The following BMPER variants were observed in gnomAD, a reference collection of about 807,000 sequenced individuals.
BMPER encodes the protein BMP-binding endothelial regulator protein.
Under a neutral mutation model 87.3 loss-of-function variants are expected in BMPER, and 45 were observed. The observed-to-expected ratio is 0.52, with a 90% CI of 0.41 to 0.66. The LOEUF (loss-of-function observed/expected upper bound fraction) is 0.66, where lower values mean the gene tolerates loss of function less well. Among genes scored for constraint, BMPER ranks in the 30% least tolerant of loss-of-function variants. BMPER has a pLI of 0.00. For synonymous variants in BMPER, 326 were observed against 316.2 expected, an observed-to-expected ratio of 1.03 and a Z score of -0.33; for missense variants, 784 against 867.5, an observed-to-expected ratio of 0.90 and a Z score of 1.21.
At chr7:34,143,458 G>A in intron 14 of BMPER, 98 bp downstream of exon 14, 3 of 1,544,486 alleles carry the variant, frequency 1.9e-6, no homozygotes, top group Non-Finnish European at 2.6e-6. Flanking sequence ...GTGGCCACAT[G>A]CCCCCTTGCC....
At chr7:34,044,188 A>G (rs1359798372) in intron 6 of BMPER, among the ~76,000 whole-genome samples, 1 of 152,214 alleles carries the variant, frequency 6.6e-6, no homozygotes, top group Non-Finnish European at 1.5e-5. Context: ...CAGTTGTATT[A>G]TGTATGCAAA....
chr7:34,038,563 C>T (rs1360876849), intron 6 of BMPER, among the ~76,000 whole-genome samples: 2 of 152,020 alleles, frequency 1.3e-5, no homozygotes, highest in Non-Finnish European at 2.9e-5. Flanking sequence ...ATAATATAAA[C>T]AATAATAACA....
intron 6 of BMPER, among the ~76,000 whole-genome samples, chr7:34,015,758 G>C (rs1787005244): frequency 6.6e-6 from 1 of 151,884 alleles, no homozygotes; most frequent in Admixed American, 6.6e-5. Context: ...ACAATGTTAT[G>C]GGACTGAATA....
intron 3 of BMPER, among the ~76,000 whole-genome samples, chr7:33,953,137 T>C (rs921078249): frequency 6.6e-6 from 1 of 152,200 alleles, no homozygotes; most frequent in Non-Finnish European, 1.5e-5. Flanking sequence ...GTTTTTAATA[T>C]ACTGGGTTCC....
chr7:34,153,361 C>T lies in BMPER; in HGVS notation c.*88C>T, dbSNP rs1173026554. The T allele has an allele frequency of 1.4e-6, 2 of 1,383,012 alleles. No individual in the cohort carries two copies. The highest frequency in any genetic ancestry group is 2.1e-6 in the Non-Finnish European group (2 of 974,644). 85.7% of individuals were successfully genotyped at this position (1,383,012 alleles called of 1,614,324 possible). ...ATGAAGGACTGCAGTATTTGTGTGC[C>T]CGATTCTGTAAACACACACACACAG... On this transcript the variant is annotated 3_prime_UTR_variant, in exon 15 of 15. Coordinates refer to ENST00000649409, the MANE Select transcript of BMPER (RefSeq NM_001365308.1).
intron 9 of BMPER, 21 bp downstream of exon 9, chr7:34,055,324 A>C: frequency 1.2e-6 from 2 of 1,613,632 alleles, no homozygotes; most frequent in Non-Finnish European, 1.7e-6. Context: ...AGACAAGCAC[A>C]TGGGAACTCC....
chr7:34,145,021 A>G (rs1484556560), intron 14 of BMPER, among the ~76,000 whole-genome samples: 1 of 152,228 alleles, frequency 6.6e-6, no homozygotes, highest in African/African-American at 2.4e-5. Context: ...TGTGAGTTAT[A>G]ACCTGGCTGG....
chr7:34,064,473 A>C (rs1421449664), intron 11 of BMPER, among the ~76,000 whole-genome samples: 3 of 150,428 alleles, frequency 2.0e-5, no homozygotes, highest in Non-Finnish European at 4.5e-5. Context: ...GTAAAGAAAA[A>C]GAAAAGAATA....
At chr7:34,024,759 C>T (rs1226153157) in intron 6 of BMPER, among the ~76,000 whole-genome samples, 1 of 151,854 alleles carries the variant, frequency 6.6e-6, no homozygotes, top group Non-Finnish European at 1.5e-5. Flanking sequence ...GATACTAATG[C>T]TAATAATAAT....
chr7:34,049,255 A>G (rs1277179014), intron 7 of BMPER, among the ~76,000 whole-genome samples: 1 of 152,228 alleles, frequency 6.6e-6, no homozygotes, highest in African/African-American at 2.4e-5. Flanking sequence ...ATCATAATAC[A>G]TACCATCTGC....
At chr7:34,053,516 A>G (rs1030037568) in intron 8 of BMPER, among the ~76,000 whole-genome samples, 1 of 152,192 alleles carries the variant, frequency 6.6e-6, no homozygotes, top group African/African-American at 2.4e-5. Flanking sequence ...CCTACTGTTG[A>G]CTGAAAGCCT....
chr7:33,922,856 T>G (rs1165535948), intron 2 of BMPER, among the ~76,000 whole-genome samples: 1 of 152,182 alleles, frequency 6.6e-6, no homozygotes, highest in Non-Finnish European at 1.5e-5. Flanking sequence ...CTGATATAAT[T>G]TAGCCTGGTG....
At chr7:34,015,473 G>A (rs1786996211) in intron 6 of BMPER, among the ~76,000 whole-genome samples, 1 of 151,936 alleles carries the variant, frequency 6.6e-6, no homozygotes. Context: ...TTTGAGGTTA[G>A]GGAGGGATGA....
chr7:33,982,807 CA>C (rs1785899725), intron 6 of BMPER, among the ~76,000 whole-genome samples: 1 of 152,114 alleles, frequency 6.6e-6, no homozygotes, highest in Non-Finnish European at 1.5e-5. Context: ...GTTTATAAGG[CA>C]AAGCTGAATT....
intron 7 of BMPER, among the ~76,000 whole-genome samples, chr7:34,051,627 A>G (rs1788147339): frequency 1.3e-5 from 2 of 152,144 alleles, no homozygotes; most frequent in African/African-American, 4.8e-5. Context: ...CACATTATAG[A>G]TTTGTTGAAC....
At chr7:34,031,927 T>TATATATATATAC (rs767536977) in intron 6 of BMPER, among the ~76,000 whole-genome samples, 3 of 55,448 alleles carry the variant, frequency 5.4e-5, no homozygotes, top group East Asian at 6.4e-4. Flanking sequence ...TATATATATA[T>TATATATATATAC]ACACACACAC....
intron 6 of BMPER, among the ~76,000 whole-genome samples, chr7:34,010,560 A>G (rs1786850507): frequency 6.6e-6 from 1 of 151,890 alleles, no homozygotes; most frequent in East Asian, 1.9e-4. Flanking sequence ...TCCAAAGTAA[A>G]CCATCTTCAT....
At chr7:33,967,781 G>A (rs1032169902) in intron 4 of BMPER, among the ~76,000 whole-genome samples, 3 of 152,116 alleles carry the variant, frequency 2.0e-5, no homozygotes, top group African/African-American at 7.2e-5. Flanking sequence ...CTTTGGTAGA[G>A]CACTCAGAAA....
intron 6 of BMPER, among the ~76,000 whole-genome samples, chr7:33,976,996 A>G (rs1383823581): frequency 6.6e-6 from 1 of 152,146 alleles, no homozygotes; most frequent in Non-Finnish European, 1.5e-5. Flanking sequence ...TATTCTGTCT[A>G]GTTTTCTGCA....
Sources: gnomAD v4.1 joint callset for allele counts (sites outside exome capture counted in the v4.1 genomes callset) on GRCh38, gnomAD v4.1.1 for gene constraint, MANE v1.5 for transcripts, NCBI Gene and HGNC (gene_info 2026-07-23, HGNC 2026-07-21) for gene names.